Variants in SETBP1 observed in about 807,000 individuals in gnomAD.
SETBP1 encodes the protein SET-binding protein.
In SETBP1, 9 loss-of-function variants were observed where a neutral mutation model predicts 101.0. The ratio of observed to expected loss-of-function variants is 0.09; its 90% CI spans 0.05 to 0.16. The LOEUF is 0.16. SETBP1 is among the 10% of genes least tolerant of loss of function. The probability of loss-of-function intolerance (pLI) is 1.00; values close to 1 mark genes in which losing one functional copy is unlikely to be tolerated. For missense variants in SETBP1, 1,858 were observed against 2,033.8 expected (o/e 0.91, Z 1.66); for synonymous variants, 818 against 788.5 (o/e 1.04, Z -0.63).
chr18:44,772,962 C>A (rs1236220862), intron 2 of SETBP1, among the ~76,000 whole-genome samples: 1 of 152,008 alleles, frequency 6.6e-6, no homozygotes, highest in Non-Finnish European at 1.5e-5. Flanking sequence ...ATGAACTGTG[C>A]CTTTTTGTAT....
intron 2 of SETBP1, among the ~76,000 whole-genome samples, chr18:44,833,777 C>A (rs1018588468): frequency 6.6e-6 from 1 of 152,172 alleles, no homozygotes; most frequent in Non-Finnish European, 1.5e-5. Flanking sequence ...CATAGCAATT[C>A]ATGCAGTAGT....
intron 2 of SETBP1, among the ~76,000 whole-genome samples, chr18:44,747,382 A>G (rs1409253461): frequency 1.3e-5 from 2 of 152,262 alleles, no homozygotes; most frequent in Admixed American, 1.3e-4. Context: ...GGAAAAGGGA[A>G]CTGAAAAGAG....
intron 2 of SETBP1, among the ~76,000 whole-genome samples, chr18:44,727,692 G>C (rs755401983): frequency 1.3e-5 from 2 of 152,164 alleles, no homozygotes; most frequent in Non-Finnish European, 2.9e-5. Context: ...ATTCTCGAAG[G>C]TGAAAGAGAA....
chr18:44,844,853 C>G (rs1020237705), intron 2 of SETBP1, among the ~76,000 whole-genome samples: 5 of 152,052 alleles, frequency 3.3e-5, no homozygotes, highest in Admixed American at 2.6e-4. Context: ...CTGCACCAGA[C>G]AAAGAGGAGG....
At chr18:44,734,825 G>A (rs544478123) in intron 2 of SETBP1, among the ~76,000 whole-genome samples, 1 of 152,156 alleles carries the variant, frequency 6.6e-6, no homozygotes, top group African/African-American at 2.4e-5. Flanking sequence ...ATTTTATGTT[G>A]CTTTCTCTTA....
chr18:44,818,394 G>A (rs1041493667), intron 2 of SETBP1, among the ~76,000 whole-genome samples: 2 of 152,170 alleles, frequency 1.3e-5, no homozygotes, highest in Non-Finnish European at 2.9e-5. Flanking sequence ...AGTGACATTG[G>A]CCAAGGTCAG....
At chr18:44,881,412 A>C (rs2144738275) in intron 3 of SETBP1, among the ~76,000 whole-genome samples, 1 of 152,356 alleles carries the variant, frequency 6.6e-6, no homozygotes, top group African/African-American at 2.4e-5. Context: ...GAGAGACAGC[A>C]CATTTCATTC....
intron 2 of SETBP1, among the ~76,000 whole-genome samples, chr18:44,807,453 A>G (rs2071771789): frequency 6.6e-6 from 1 of 151,942 alleles, no homozygotes; most frequent in Non-Finnish European, 1.5e-5. Context: ...ATTTCCATTC[A>G]TATTTGGTGC....
At chr18:44,723,053 C>T (rs2069634088) in intron 2 of SETBP1, among the ~76,000 whole-genome samples, 1 of 152,104 alleles carries the variant, frequency 6.6e-6, no homozygotes, top group Non-Finnish European at 1.5e-5. Context: ...AAAAATCAGA[C>T]CTTGGTGATG....
At chr18:44,987,470 C>G (rs2072266239) in intron 4 of SETBP1, 1 of 152,170 alleles carries the variant, frequency 6.6e-6, no homozygotes, top group Non-Finnish European at 1.5e-5. Flanking sequence ...TGCTTTGGAG[C>G]TCTCTTGGAA....
intron 1 of SETBP1, among the ~76,000 whole-genome samples, chr18:44,689,163 G>C (rs2068887144): frequency 6.6e-6 from 1 of 152,204 alleles, no homozygotes; most frequent in Non-Finnish European, 1.5e-5. Context: ...TAGAACAAAG[G>C]GACATTCTTG....
chr18:44,683,360 GA>G (rs1247128695), intron 1 of SETBP1, among the ~76,000 whole-genome samples: 3 of 152,178 alleles, frequency 2.0e-5, no homozygotes, highest in Non-Finnish European at 4.4e-5. Context: ...GAGGGTTGGG[GA>G]AAAAGGAAAC....
intron 2 of SETBP1, among the ~76,000 whole-genome samples, chr18:44,812,953 C>A (rs1306396122): frequency 6.6e-6 from 1 of 152,110 alleles, no homozygotes; most frequent in African/African-American, 2.4e-5. Context: ...ATGGCATTAG[C>A]CATGGGTGAC....
intron 2 of SETBP1, among the ~76,000 whole-genome samples, chr18:44,840,989 A>G (rs572111081): frequency 6.6e-6 from 1 of 152,352 alleles, no homozygotes; most frequent in African/African-American, 2.4e-5. Flanking sequence ...TGATACCTAG[A>G]GAGTTTAAGT....
At chr18:44,984,408 G>A (rs1467515826) in intron 4 of SETBP1, among the ~76,000 whole-genome samples, 1 of 152,152 alleles carries the variant, frequency 6.6e-6, no homozygotes, top group African/African-American at 2.4e-5. Context: ...CACATGGGCA[G>A]TTCACAATAG....
chr18:44,913,133 C>A (rs2070350666), intron 3 of SETBP1, among the ~76,000 whole-genome samples: 1 of 152,242 alleles, frequency 6.6e-6, no homozygotes, highest in African/African-American at 2.4e-5. Flanking sequence ...CCTGATCCAG[C>A]AGATTACCAG....
chr18:44,767,533 G>A (rs914163011), intron 2 of SETBP1, among the ~76,000 whole-genome samples: 1 of 152,158 alleles, frequency 6.6e-6, no homozygotes, highest in Non-Finnish European at 1.5e-5. Flanking sequence ...TTCAGCTTAG[G>A]AACTCCTTAC....
chr18:44,706,243 G>T (rs1166549812), intron 2 of SETBP1, among the ~76,000 whole-genome samples: 1 of 152,010 alleles, frequency 6.6e-6, no homozygotes, highest in African/African-American at 2.4e-5. Context: ...TTTGCTTCTA[G>T]GTGATTAGAT....
intron 4 of SETBP1, among the ~76,000 whole-genome samples, chr18:44,968,609 T>C (rs1002513258): frequency 1.3e-5 from 2 of 152,226 alleles, no homozygotes; most frequent in African/African-American, 4.8e-5. Context: ...CTGTGTCTTA[T>C]GCTGATTAGT....
Sources: allele counts gnomAD v4.1 joint callset (sites outside exome capture counted in the v4.1 genomes callset), GRCh38; gene constraint gnomAD v4.1.1; transcripts MANE v1.5; gene names NCBI Gene and HGNC (gene_info 2026-07-23, HGNC 2026-07-21).